Variants in FRMD4A observed in about 807,000 individuals in gnomAD.
The protein encoded by FRMD4A is FERM domain containing 4A, also known as FERM domain-containing protein 4A.
FRMD4A carries 29 observed loss-of-function variants against 129.1 expected under a neutral mutation model. The ratio of observed to expected loss-of-function variants is 0.22; its 90% confidence interval spans 0.17 to 0.31. FRMD4A has a LOEUF of 0.31. Among genes scored for constraint, FRMD4A ranks in the 10% least tolerant of loss-of-function variants. The probability of loss-of-function intolerance (pLI) is 1.00; values close to 1 mark genes in which losing one functional copy is unlikely to be tolerated. For synonymous variants in FRMD4A, 634 were observed against 571.6 expected (o/e 1.11, Z -1.56); for missense variants, 1,272 against 1,375.8 (o/e 0.92, Z 1.19).
At chr10:13,891,620 T>A (rs978422567) in intron 2 of FRMD4A, 16 of 984,996 alleles carry the variant, frequency 1.6e-5, no homozygotes, top group African/African-American at 1.0e-4. Flanking sequence ...CAAAGACACA[T>A]TACCTTTTAT....
At chr10:14,203,932 T>C (rs199834424) in intron 2 of FRMD4A, among the ~76,000 whole-genome samples, 2 of 152,242 alleles carry the variant, frequency 1.3e-5, no homozygotes, top group East Asian at 3.8e-4. Flanking sequence ...CTATCGTAGT[T>C]TGACCCACAG....
chr10:14,313,095 G>A (rs1308252718), intron 2 of FRMD4A, among the ~76,000 whole-genome samples: 3 of 152,088 alleles, frequency 2.0e-5, no homozygotes, highest in South Asian at 2.1e-4. Context: ...GCTCACACCT[G>A]TAATCCCAAT....
chr10:14,278,130 T>C (rs894828492), intron 2 of FRMD4A, among the ~76,000 whole-genome samples: 2 of 152,188 alleles, frequency 1.3e-5, no homozygotes, highest in Admixed American at 1.3e-4. Flanking sequence ...TTGGGAGGCT[T>C]TCTGGGTTTG....
rs193020815 is a variant in FRMD4A at position 14,019,805 on chromosome 10, A to G, written c.46-160893T>C. Among the ~76,000 whole-genome samples, 156 of 152,332 alleles carry G rather than the reference A, an allele frequency of 1.0e-3. 3 individuals carry two copies. In the East Asian group the frequency reaches 0.027, roughly 26 times the overall value. ...GCTGTGGAGGGTGACCTAGAACCAC[A>G]GGCCTCTTTCTGAAAGGACAGATTT... On this transcript the variant is annotated intron_variant, in intron 2 of 24. Coordinates refer to ENST00000357447, the MANE Select transcript of FRMD4A (RefSeq NM_018027.5).
intron 2 of FRMD4A, among the ~76,000 whole-genome samples, chr10:13,871,811 C>T (rs75205269): frequency 2.4e-3 from 365 of 152,350 alleles, no homozygotes; most frequent in African/African-American, 8.4e-3. Flanking sequence ...CACTCCTGTC[C>T]TCCAGCTACC....
intron 2 of FRMD4A, among the ~76,000 whole-genome samples, chr10:14,253,325 C>A (rs1445859306): frequency 6.6e-6 from 1 of 152,200 alleles, no homozygotes; most frequent in Non-Finnish European, 1.5e-5. Context: ...ATTTAAGAAA[C>A]CTGGTTTTAT....
At chr10:13,902,456 GGAGAGAGAGA>G (rs140040052) in intron 2 of FRMD4A, among the ~76,000 whole-genome samples, 5 of 127,696 alleles carry the variant, frequency 3.9e-5, no homozygotes, top group East Asian at 2.3e-4. Context: ...GCAAAATACT[GGAGAGAGAGA>G]GAGAGAGAGA....
intron 2 of FRMD4A, among the ~76,000 whole-genome samples, chr10:14,011,409 A>C (rs890145699): frequency 6.6e-6 from 1 of 152,132 alleles, no homozygotes; most frequent in Non-Finnish European, 1.5e-5. Flanking sequence ...GCCAGGGGCC[A>C]GGTCACCTAG....
intron 2 of FRMD4A, among the ~76,000 whole-genome samples, chr10:14,185,572 A>C (rs558402284): frequency 6.6e-6 from 1 of 152,076 alleles, no homozygotes; most frequent in African/African-American, 2.4e-5. Flanking sequence ...TAAAGGTTCA[A>C]TCTCGTCTTG....
intron 2 of FRMD4A, among the ~76,000 whole-genome samples, chr10:14,072,028 C>A (rs1835342547): frequency 6.6e-6 from 1 of 152,138 alleles, no homozygotes. Context: ...ATATTGATAC[C>A]TAAAATTCCA....
chr10:14,165,467 A>C (rs1841124097), intron 2 of FRMD4A, among the ~76,000 whole-genome samples: 1 of 152,204 alleles, frequency 6.6e-6, no homozygotes, highest in South Asian at 2.1e-4. Context: ...TTTCTCAAAG[A>C]ACTAAAAATA....
intron 2 of FRMD4A, among the ~76,000 whole-genome samples, chr10:14,058,392 C>A (rs1339184370): frequency 6.6e-6 from 1 of 152,074 alleles, no homozygotes; most frequent in Non-Finnish European, 1.5e-5. Context: ...TCCCAATTAC[C>A]TTTTAGGTAC....
intron 2 of FRMD4A, among the ~76,000 whole-genome samples, chr10:14,034,597 G>C (rs1047422965): frequency 2.6e-5 from 4 of 151,760 alleles, no homozygotes; most frequent in Admixed American, 6.6e-5. Flanking sequence ...GAGATGATCA[G>C]ATCTGATCCT....
At chr10:13,861,155 C>T (rs1447408606) in intron 2 of FRMD4A, among the ~76,000 whole-genome samples, 1 of 152,192 alleles carries the variant, frequency 6.6e-6, no homozygotes, top group Non-Finnish European at 1.5e-5. Context: ...CTCTCCTCGA[C>T]CCTGAGCTCC....
At chr10:13,896,438 A>G (rs2094759067) in intron 2 of FRMD4A, among the ~76,000 whole-genome samples, 1 of 152,284 alleles carries the variant, frequency 6.6e-6, no homozygotes, top group Non-Finnish European at 1.5e-5. Context: ...CAAACACCGC[A>G]TGTTCTCACT....
intron 2 of FRMD4A, among the ~76,000 whole-genome samples, chr10:13,924,937 G>C (rs567053795): frequency 6.6e-6 from 1 of 151,766 alleles, no homozygotes; most frequent in Non-Finnish European, 1.5e-5. Flanking sequence ...GGTGGCGGGC[G>C]CCTGTAATCC....
At chr10:13,693,567 C>T in intron 15 of FRMD4A, 5 of 1,163,034 alleles carry the variant, frequency 4.3e-6, no homozygotes, top group Non-Finnish European at 5.5e-6. Context: ...CCACTTTTCA[C>T]CCTTGGACCT....
intron 2 of FRMD4A, among the ~76,000 whole-genome samples, chr10:14,116,070 A>G (rs550802329): frequency 2.6e-5 from 4 of 152,340 alleles, no homozygotes; most frequent in African/African-American, 9.6e-5. Context: ...GGCACTAGGA[A>G]AACAGGACCA....
intron 2 of FRMD4A, among the ~76,000 whole-genome samples, chr10:13,980,682 T>G (rs1474262092): frequency 6.6e-6 from 1 of 152,208 alleles, no homozygotes; most frequent in Non-Finnish European, 1.5e-5. Flanking sequence ...ATTGCACCAC[T>G]GCACTCCAGC....
Sources: gnomAD v4.1 joint callset for allele counts (sites outside exome capture counted in the v4.1 genomes callset) on GRCh38, gnomAD v4.1.1 for gene constraint, MANE v1.5 for transcripts, NCBI Gene and HGNC (gene_info 2026-07-23, HGNC 2026-07-21) for gene names.